Variants in PRKAR1B observed in about 807,000 individuals in gnomAD.
PRKAR1B encodes the protein cAMP-dependent protein kinase type I-beta regulatory subunit.
In PRKAR1B, 22 loss-of-function variants were observed where a neutral mutation model predicts 46.5. That is an observed-to-expected ratio of 0.47 (90% CI 0.34 to 0.68). The LOEUF (loss-of-function observed/expected upper bound fraction) is 0.68, where lower values mean the gene tolerates loss of function less well. Ranked by LOEUF, PRKAR1B falls within the 30% of genes least tolerant of loss-of-function variation. The pLI, the probability that PRKAR1B is intolerant of heterozygous loss-of-function variation, is 0.01. For missense variants in PRKAR1B, 445 were observed against 535.6 expected (o/e 0.83, Z 1.67); for synonymous variants, 259 against 217.7 (o/e 1.19, Z -1.67).
chr7:725,199 G>A (rs931449549), intron 1 of PRKAR1B, among the ~76,000 whole-genome samples: 1 of 145,010 alleles, frequency 6.9e-6, no homozygotes, highest in Non-Finnish European at 1.5e-5. Flanking sequence ...GGGCGACAGA[G>A]CAAGATTCCA....
rs552521499 is a variant in PRKAR1B at position 681,837 on chromosome 7, G to A, written c.178-1111C>T. Reference sequence around the variant, plus strand: ...CAGCCTGGGCATTTCAATCCCACCAGGGCCAATGTGCCTTTCCTCCTGCAC... The same window carrying A: ...CAGCCTGGGCATTTCAATCCCACCAAGGCCAATGTGCCTTTCCTCCTGCAC... On this transcript the variant is annotated intron_variant, in intron 2 of 10. Transcript: ENST00000537384. 6.6e-5 allele frequency among the ~76,000 whole-genome samples: 10 copies of A among 152,182 alleles called. No homozygotes were observed. In the South Asian group the frequency reaches 2.1e-3, roughly 32 times the overall value.
chr7:726,992 G>C, intron 1 of PRKAR1B: 1 of 1,261,184 alleles, frequency 7.9e-7, no homozygotes. Context: ...CCCGCCGAGG[G>C]CTGCCGCGCG....
At chr7:693,515 T>G (rs1779556464) in intron 2 of PRKAR1B, among the ~76,000 whole-genome samples, 2 of 152,166 alleles carry the variant, frequency 1.3e-5, no homozygotes, top group Non-Finnish European at 2.9e-5. Flanking sequence ...TTTGGCCTGT[T>G]GCGTCTGGCT....
intron 1 of PRKAR1B, among the ~76,000 whole-genome samples, chr7:723,549 G>A (rs1366875423): frequency 6.6e-6 from 1 of 152,176 alleles, no homozygotes; most frequent in Non-Finnish European, 1.5e-5. Context: ...ATTTCAATGG[G>A]AGGAGCAAGG....
intron 2 of PRKAR1B, among the ~76,000 whole-genome samples, chr7:707,920 G>A (rs73047943): frequency 0.1 from 15,176 of 150,972 alleles, 1,050 homozygotes; most frequent in Middle Eastern, 0.17. Flanking sequence ...TGGAGCCGGG[G>A]GAGACACAGA....
intron 4 of PRKAR1B, among the ~76,000 whole-genome samples, chr7:664,896 G>C (rs917857761): frequency 8.6e-5 from 13 of 152,006 alleles, no homozygotes; most frequent in African/African-American, 3.1e-4. Flanking sequence ...CCTGAGCAAC[G>C]GAGCAAGACT....
chr7:662,206 G>T (rs1350998967), intron 4 of PRKAR1B, among the ~76,000 whole-genome samples: 7 of 81,290 alleles, frequency 8.6e-5, no homozygotes, highest in Non-Finnish European at 1.2e-4. Context: ...CATGGCACAG[G>T]TCCCCACCCC....
At chr7:706,638 A>C (rs1386332335) in intron 2 of PRKAR1B, among the ~76,000 whole-genome samples, 1 of 147,404 alleles carries the variant, frequency 6.8e-6, no homozygotes. Context: ...TGTTAGCCAG[A>C]ATGGTCTCGA....
intron 1 of PRKAR1B, among the ~76,000 whole-genome samples, chr7:721,663 T>A (rs1360038631): frequency 1.3e-5 from 2 of 151,520 alleles, no homozygotes; most frequent in Non-Finnish European, 2.9e-5. Context: ...AAAAAAAAAA[T>A]TACCTTTCTG....
At chr7:713,779 C>T (rs1334482515) in intron 1 of PRKAR1B, among the ~76,000 whole-genome samples, 1 of 152,214 alleles carries the variant, frequency 6.6e-6, no homozygotes, top group African/African-American at 2.4e-5. Flanking sequence ...AGCACATTCC[C>T]CAGCAGGGCT....
chr7:636,809 G>T (rs573723262), intron 4 of PRKAR1B, among the ~76,000 whole-genome samples: 2 of 152,324 alleles, frequency 1.3e-5, no homozygotes, highest in East Asian at 3.9e-4. Context: ...CCTGGGTGAG[G>T]AATGGGTATC....
intron 4 of PRKAR1B, among the ~76,000 whole-genome samples, chr7:645,807 G>A (rs545565473): frequency 3.9e-5 from 6 of 152,096 alleles, no homozygotes; most frequent in Non-Finnish European, 8.8e-5. Context: ...CAGCATGCGG[G>A]GGTGCTCCCT....
At chr7:676,532 G>A (rs990728148) in intron 4 of PRKAR1B, among the ~76,000 whole-genome samples, 1 of 152,240 alleles carries the variant, frequency 6.6e-6, no homozygotes, top group Admixed American at 6.5e-5. Flanking sequence ...ACCTGTGCCT[G>A]CCTAGGTATA....
intron 9 of PRKAR1B, among the ~76,000 whole-genome samples, chr7:568,416 T>C (rs543368459): frequency 6.6e-6 from 1 of 152,318 alleles, no homozygotes; most frequent in South Asian, 2.1e-4. Flanking sequence ...CAGAGAGACA[T>C]GCGTGGCCAA....
At chr7:652,651 A>G (rs917629597) in intron 4 of PRKAR1B, among the ~76,000 whole-genome samples, 1 of 152,272 alleles carries the variant, frequency 6.6e-6, no homozygotes, top group African/African-American at 2.4e-5. Context: ...AGGGACTGGC[A>G]GTCCAGGCTC....
rs990211876 is a variant in PRKAR1B, at chr7:549,253, G to C, written c.*1177C>G. ...GTATTCAGAGCAGAGATAAGGGGGG[G>C]GATGGCTCACAGGTCCACAGGGACG... On this transcript the variant is annotated 3_prime_UTR_variant, in exon 11 of 11. Coordinates refer to ENST00000537384, the MANE Select transcript of PRKAR1B (RefSeq NM_001164760.2). 2.0e-5 allele frequency: 3 copies of C among 152,322 alleles called. No individual in the cohort carries two copies. The highest frequency in any genetic ancestry group is 4.4e-5 in the Non-Finnish European group (3 of 68,102). The allele number at this position is 152,322 out of a possible 1,614,324, so 9.4% of individuals were successfully genotyped here.
intron 9 of PRKAR1B, among the ~76,000 whole-genome samples, chr7:563,952 CTGAT>C (rs1313092983): frequency 6.6e-6 from 1 of 152,060 alleles, no homozygotes; most frequent in Non-Finnish European, 1.5e-5. Context: ...TGCACACTGG[CTGAT>C]TATGTTCTAA....
At chr7:613,814 T>C (rs144115824) in intron 4 of PRKAR1B, among the ~76,000 whole-genome samples, 3,375 of 152,238 alleles carry the variant, frequency 0.022, 143 homozygotes, top group African/African-American at 0.077. Context: ...CAAGCGCAGG[T>C]TGGGACTTGC....
chr7:621,793 A>G (rs1285392830), intron 4 of PRKAR1B, among the ~76,000 whole-genome samples: 1 of 152,026 alleles, frequency 6.6e-6, no homozygotes, highest in Non-Finnish European at 1.5e-5. Context: ...TAAAATGGGC[A>G]CAGTAACACT....
Sources: gnomAD v4.1 joint callset for allele counts (sites outside exome capture counted in the v4.1 genomes callset) on GRCh38, gnomAD v4.1.1 for gene constraint, MANE v1.5 for transcripts, NCBI Gene and HGNC (gene_info 2026-07-23, HGNC 2026-07-21) for gene names.